MAPKAP1: variants seen among roughly 807,000 people sequenced by gnomAD.
MAPKAP1 encodes the protein MAPK associated protein 1.
Under a neutral mutation model 65.7 loss-of-function variants are expected in MAPKAP1, and 20 were observed. The observed-to-expected ratio is 0.30, with a 90% CI of 0.21 to 0.44. The LOEUF (loss-of-function observed/expected upper bound fraction) is 0.44, where lower values mean the gene tolerates loss of function less well. Ranked by LOEUF, MAPKAP1 falls within the 20% of genes least tolerant of loss-of-function variation. MAPKAP1 has a pLI of 1.00. For synonymous variants in MAPKAP1, 222 were observed against 244.3 expected, an observed-to-expected ratio of 0.91 and a Z score of 0.85; for missense variants, 423 against 648.0, an observed-to-expected ratio of 0.65 and a Z score of 3.77.
chr9:125,578,445 G>GA (rs34239325), intron 5 of MAPKAP1, among the ~76,000 whole-genome samples: 11 of 150,202 alleles, frequency 7.3e-5, no homozygotes, highest in South Asian at 2.1e-4. Context: ...AAATAAATAC[G>GA]AAAAAAAAAG....
At chr9:125,621,487 G>T (rs998078798) in intron 4 of MAPKAP1, among the ~76,000 whole-genome samples, 1 of 152,056 alleles carries the variant, frequency 6.6e-6, no homozygotes, top group Middle Eastern at 3.2e-3. Context: ...TTCATATGAG[G>T]ATTAAATGAG....
At chr9:125,508,147 C>T (rs185121590) in intron 7 of MAPKAP1, among the ~76,000 whole-genome samples, 27 of 152,162 alleles carry the variant, frequency 1.8e-4, no homozygotes, top group Non-Finnish European at 3.7e-4. Context: ...GCCTGGGCAA[C>T]AGAGAGAATC....
intron 1 of MAPKAP1, among the ~76,000 whole-genome samples, chr9:125,701,091 C>T (rs1345071734): frequency 1.3e-5 from 2 of 152,114 alleles, no homozygotes; most frequent in African/African-American, 4.8e-5. Context: ...CTGGAGTCTG[C>T]CAGTAATCAG....
intron 8 of MAPKAP1, chr9:125,506,004 C>A: frequency 2.6e-6 from 1 of 389,188 alleles, no homozygotes; most frequent in Non-Finnish European, 4.8e-6. Context: ...TACAAAATAG[C>A]CTTTACTTCA....
At chr9:125,671,335 A>G (rs1834492588) in intron 2 of MAPKAP1, among the ~76,000 whole-genome samples, 2 of 152,188 alleles carry the variant, frequency 1.3e-5, no homozygotes, top group African/African-American at 2.4e-5. Context: ...CCAAAACTTG[A>G]ATGTGCCTTT....
chr9:125,544,021 C>T (rs902841764), intron 6 of MAPKAP1, among the ~76,000 whole-genome samples: 1 of 140,010 alleles, frequency 7.1e-6, no homozygotes, highest in South Asian at 2.2e-4. Flanking sequence ...TTTATTCATA[C>T]ACACACTTTT....
At chr9:125,599,603 C>T (rs527944869) in intron 4 of MAPKAP1, among the ~76,000 whole-genome samples, 1 of 128,574 alleles carries the variant, frequency 7.8e-6, no homozygotes, top group East Asian at 2.7e-4. Context: ...AATGTAAGTC[C>T]CTTTTTTTTT....
At position 125,672,522 on chromosome 9, in the gene MAPKAP1, T is replaced by C. The variant is rs1471787819; in HGVS notation, c.53A>G (p.His18Arg). The change falls in exon 2 of 12, where the codon CAT (histidine) becomes CGT (arginine). Residue 18 changes from histidine (H) to arginine (R), a missense_variant. Transcript: ENST00000265960. ...CATTCCCGTGTCATCACTGGTCACA[T>C]GTGACTGTCGAATATGAGCTAGAAT... ...TIILAHIRQS[H>R]VTSDDTGMCE... 1.2e-6 allele frequency: 2 copies of C among 1,614,188 alleles called. No individual in the cohort carries two copies. Among genetic ancestry groups the C allele is most frequent in the Non-Finnish European group, 1.7e-6 (2 of 1,180,014 alleles).
At chr9:125,625,379 G>A (rs1001242896) in intron 4 of MAPKAP1, among the ~76,000 whole-genome samples, 2 of 150,140 alleles carry the variant, frequency 1.3e-5, no homozygotes, top group African/African-American at 2.5e-5. Flanking sequence ...AACATTCCAC[G>A]CCATGAAACT....
At chr9:125,702,059 T>C (rs1007946490) in intron 1 of MAPKAP1, among the ~76,000 whole-genome samples, 1 of 152,236 alleles carries the variant, frequency 6.6e-6, no homozygotes, top group Non-Finnish European at 1.5e-5. Flanking sequence ...CCCACAAATA[T>C]GTTTTGATCA....
chr9:125,484,521 T>C lies in MAPKAP1; in HGVS notation c.1129A>G (p.Met377Val), dbSNP rs1272870432. The change falls in exon 9 of 12, where the codon ATG becomes GTG. Residue 377 changes from methionine (M) to valine (V), a missense_variant. Met to Val is a conservative substitution (Grantham distance 21, BLOSUM62 1). Around this residue, in one of 6 missense-constraint regions of MAPKAP1, gnomAD observed 185 missense variants for 268.1 expected, o/e 0.69. Transcript: ENST00000265960. ...GACTTGTAATGGTGGCTGCTAAGCA[T>C]ATCCTGTACTGTGGCTATGTCAATT... ...SQIDIATVQD[M>V]LSSHHYKSFK... The C allele has an allele frequency of 1.9e-6, 3 of 1,613,312 alleles. No individual in the cohort carries two copies. Among genetic ancestry groups the C allele is most frequent in the Non-Finnish European group, 2.5e-6 (3 of 1,179,612 alleles).
chr9:125,512,258 C>A (rs926598853), intron 7 of MAPKAP1, among the ~76,000 whole-genome samples: 15 of 152,366 alleles, frequency 9.8e-5, no homozygotes, highest in Admixed American at 4.6e-4. Context: ...ACACTGTCGC[C>A]TCCATTGCTC....
At chr9:125,596,449 G>A in intron 4 of MAPKAP1, 1 of 766,006 alleles carries the variant, frequency 1.3e-6, no homozygotes, top group Non-Finnish European at 2.4e-6. Context: ...AAGCTACAAT[G>A]ATTCTGGCAA....
At chr9:125,542,992 ACCCCCTATG>A in intron 7 of MAPKAP1, 58 bp downstream of exon 7, 1 of 1,035,418 alleles carries the variant, frequency 9.7e-7, no homozygotes, top group Non-Finnish European at 1.5e-6. Context: ...ACACACACAC[ACCCCCTATG>A]CCCTTTTAAT....
At chr9:125,535,385 A>G (rs1830043616) in intron 7 of MAPKAP1, among the ~76,000 whole-genome samples, 1 of 152,118 alleles carries the variant, frequency 6.6e-6, no homozygotes, top group Non-Finnish European at 1.5e-5. Context: ...CTGCTTGACA[A>G]TTTACCACAT....
At chr9:125,572,530 A>T (rs992315801) in intron 5 of MAPKAP1, among the ~76,000 whole-genome samples, 1 of 152,252 alleles carries the variant, frequency 6.6e-6, no homozygotes, top group Non-Finnish European at 1.5e-5. Context: ...TACACTTTCT[A>T]CTAAATTCTA....
chr9:125,650,241 C>T (rs1373734398), intron 4 of MAPKAP1: 1 of 152,198 alleles, frequency 6.6e-6, no homozygotes, highest in Non-Finnish European at 1.5e-5. Context: ...CAGGGATATA[C>T]TCGGCAGCAC....
rs71374284 is a variant in MAPKAP1, at chr9:125,629,054, A to AACACACAC, written c.498+28589_498+28596dup. Among the ~76,000 whole-genome samples, 974 of 147,464 alleles carry AACACACAC rather than the reference A, an allele frequency of 6.6e-3. 14 individuals are homozygous for AACACACAC. The highest frequency in any genetic ancestry group is 0.031 in the East Asian group (157 of 5,026). ...CACCTGTTAGGATGGTCACTGTCAA[A>AACACACAC]ACACACACACACACACACACACACA... On this transcript the variant is annotated intron_variant, in intron 4 of 11. Coordinates refer to ENST00000265960, the MANE Select transcript of MAPKAP1 (RefSeq NM_001006617.3).
chr9:125,527,581 A>G (rs1243205003), intron 7 of MAPKAP1, among the ~76,000 whole-genome samples: 1 of 152,224 alleles, frequency 6.6e-6, no homozygotes, highest in African/African-American at 2.4e-5. Context: ...CTATTAACTT[A>G]CATTAGAGAG....
Sources: gnomAD v4.1 joint callset for allele counts (sites outside exome capture counted in the v4.1 genomes callset) on GRCh38, gnomAD v4.1.1 for gene constraint, gnomAD v4.1.1 regional missense constraint, MANE v1.5 for transcripts, NCBI Gene and HGNC (gene_info 2026-07-23, HGNC 2026-07-21) for gene names.